The following ESPN variants were observed in gnomAD, a reference collection of about 807,000 sequenced individuals.
ESPN encodes the protein espin.
A neutral mutation model predicts 77.7 loss-of-function variants in ESPN; 68 were observed. The observed-to-expected ratio is 0.87, with a 90% CI of 0.72 to 1.07. The LOEUF (loss-of-function observed/expected upper bound fraction) is 1.07, where lower values mean the gene tolerates loss of function less well. Ranked by LOEUF, ESPN falls within the 50% of genes least tolerant of loss-of-function variation. The pLI, the probability that ESPN is intolerant of heterozygous loss-of-function variation, is 0.00. For missense variants in ESPN, 1,060 were observed against 1,239.0 expected, an observed-to-expected ratio of 0.86 and a Z score of 2.17; for synonymous variants, 449 against 567.1, an observed-to-expected ratio of 0.79 and a Z score of 2.96.
intron 3 of ESPN, 55 bp from the exon 4 acceptor site, chr1:6,440,571 C>G (rs1339778926): frequency 1.8e-5 from 19 of 1,027,120 alleles, no homozygotes; most frequent in Non-Finnish European, 2.6e-5. Flanking sequence ...GGGGGCGGGC[C>G]TACAGGGGCC....
rs149154644 is a variant in ESPN at position 6,455,178 on chromosome 1, C to A, written c.2326-2006C>A. The A allele has an allele frequency of 4.4e-3, 1,717 of 388,418 alleles. 25 individuals carry two copies. The highest frequency in any genetic ancestry group is 0.033 in the African/African-American group (1,569 of 48,214). 24.1% of individuals were successfully genotyped at this position (388,418 alleles called of 1,614,324 possible). On this transcript the variant is annotated intron_variant, in intron 10 of 12. Coordinates refer to ENST00000645284, the MANE Select transcript of ESPN (RefSeq NM_031475.3). The stretch of plus-strand genomic sequence containing the variant: ...CCTGGGCCCGCCCGAGGTACAGGAT[C>A]GCCAGGCGGCGCTGCCTGAGCCCGA...
chr1:6,433,220 G>A (rs1457934452), intron 2 of ESPN, among the ~76,000 whole-genome samples: 7 of 152,120 alleles, frequency 4.6e-5, no homozygotes, highest in South Asian at 2.1e-4. Context: ...TGAGGCGGGC[G>A]GATCACGAGG....
At chr1:6,440,603 C>CCCA in intron 3 of ESPN, 23 bp from the exon 4 acceptor site, 4 of 1,261,246 alleles carry the variant, frequency 3.2e-6, no homozygotes, top group Non-Finnish European at 4.4e-6. Flanking sequence ...CCCCGCCCCC[C>CCCA]TCTCCCCGCC....
At chr1:6,448,503 G>A (rs1643889277) in intron 7 of ESPN, 138 bp from the exon 8 acceptor site, 2 of 667,190 alleles carry the variant, frequency 3.0e-6, no homozygotes, top group African/African-American at 1.9e-5. Flanking sequence ...GAGAACCAGG[G>A]GGTCTAGGAA....
At chr1:6,459,895 A>C (rs1644126573) in intron 12 of ESPN, 104 bp from the exon 13 acceptor site, 2 of 1,456,428 alleles carry the variant, frequency 1.4e-6, no homozygotes, top group African/African-American at 1.4e-5. Flanking sequence ...CACCCCTTGC[A>C]TGGGTGACCT....
Position 6,428,433 on chromosome 1 carries a change from T to G in ESPN, c.488+14T>G. On this transcript the variant is annotated intron_variant, in intron 2 of 12. Coordinates refer to ENST00000645284, the MANE Select transcript of ESPN (RefSeq NM_031475.3). The surrounding 1 kb of genome is among the most constrained non-coding windows in gnomAD (Gnocchi z 5.4). ...GCACTACCCTGAGTAAGATCACCCC[T>G]CTTAAGGGGTCCTCTGGGTGGGCTG... 6.3e-7 allele frequency: 1 copy of G among 1,596,100 alleles called. No individual in the cohort carries two copies.
intron 8 of ESPN, among the ~76,000 whole-genome samples, chr1:6,449,479 C>G (rs377456451): frequency 3.3e-5 from 5 of 152,192 alleles, no homozygotes; most frequent in East Asian, 3.9e-4. Context: ...ACTGGAGGGA[C>G]ACTCGAAGTA....
At chr1:6,432,129 C>T (rs1247397846) in intron 2 of ESPN, among the ~76,000 whole-genome samples, 1 of 152,182 alleles carries the variant, frequency 6.6e-6, no homozygotes, top group Non-Finnish European at 1.5e-5. Context: ...TGGCTGCTCC[C>T]ACGGCCCAGG....
At chr1:6,425,352 C>G (rs895928986) in intron 1 of ESPN, 103 bp downstream of exon 1, 1 of 1,381,912 alleles carries the variant, frequency 7.2e-7, no homozygotes, top group Non-Finnish European at 9.9e-7. Context: ...TTTGGCACCT[C>G]CTGGCCCAGC....
rs1448276968 is a variant in ESPN, at chr1:6,440,736, C to G, written c.786C>G (p.His262Gln). 6.5e-7 allele frequency: 1 copy of G among 1,545,460 alleles called. No individual in the cohort carries two copies. The highest frequency in any genetic ancestry group is 1.2e-5 in the South Asian group (1 of 83,748). Residue 262 changes from histidine to glutamine, a missense_variant, in exon 4 of 13, where the codon CAC (histidine) becomes CAG (glutamine). Around this residue, in one of 3 missense-constraint regions of ESPN, gnomAD observed 556 missense variants for 633.6 expected, o/e 0.88. Transcript: ENST00000645284. ...AGGTGCTCAGCTGGCTGCTGCTGCA[C>G]GGCGGGGAGATCTCGGCTGACCTGT... ...HTKVLSWLLL[H>Q]GGEISADLWG...
At chr1:6,457,465 C>T in intron 12 of ESPN, 93 bp downstream of exon 12, 5 of 1,488,334 alleles carry the variant, frequency 3.4e-6, no homozygotes, top group South Asian at 1.1e-5. Flanking sequence ...AGTACATCCT[C>T]CTGTCTCTTG....
At chr1:6,457,654 T>G (rs532610693) in intron 12 of ESPN, among the ~76,000 whole-genome samples, 14 of 152,304 alleles carry the variant, frequency 9.2e-5, no homozygotes, top group African/African-American at 3.4e-4. Context: ...GAATGTACTT[T>G]CTGCCCCTAG....
chr1:6,448,147 G>C (rs1002773007), intron 7 of ESPN: 1 of 152,638 alleles, frequency 6.6e-6, no homozygotes, highest in East Asian at 1.9e-4. Flanking sequence ...GGGCAACCGG[G>C]GTCCGTGGCA....
rs964125695 is a variant in ESPN, at chr1:6,447,779, C to T, written c.1465-862C>T. Among the ~76,000 whole-genome samples, 3 of 152,116 alleles carry T rather than the reference C, an allele frequency of 2.0e-5. No homozygotes were observed. Among genetic ancestry groups the T allele is most frequent in the Admixed American group, 1.3e-4 (2 of 15,278 alleles). On this transcript the variant is annotated intron_variant, in intron 7 of 12. Transcript: ENST00000645284. This position sits in a 1 kb window ranked among gnomAD's most constrained non-coding sequence, Gnocchi z 5.2. Reference sequence around the variant, plus strand: ...GGCCAAATATGAGAGGCCTCCTCTGCCCACAGTCAGCCCTCTCCCCTCTCG... The same window carrying T: ...GGCCAAATATGAGAGGCCTCCTCTGTCCACAGTCAGCCCTCTCCCCTCTCG...
rs929495873 is a variant in ESPN, at chr1:6,441,387, C to T, written c.990+322C>T. Among the ~76,000 whole-genome samples, 5 of 152,276 alleles carry T rather than the reference C, an allele frequency of 3.3e-5. 1 individual carries two copies. The South Asian group carries it at 1.0e-3, about 32-fold the overall frequency. On this transcript the variant is annotated intron_variant, in intron 5 of 12. Transcript: ENST00000645284. The stretch of plus-strand genomic sequence containing the variant: ...TAGCTTGGGTATAACTCACAGCCAC[C>T]CTCTGCAGAAAAGAGTGTTTAAGTG...
intron 10 of ESPN, chr1:6,456,025 C>T (rs1468368708): frequency 5.0e-6 from 2 of 397,114 alleles, no homozygotes; most frequent in Admixed American, 4.4e-5. Context: ...CCGCCGCCCC[C>T]GCCCGCCGCG....
In ESPN at chr1:6,428,330, G is replaced by T. The variant is rs374134792; in HGVS notation, c.399G>T (p.Ala133=). The part of the protein sequence containing the change: ...LLHHGGGDPT[A]ATDMGALPIH... ...ATCATGGCGGTGGGGACCCCACCGC[G>T]GCCACAGACATGGGCGCCCTGCCTA... The change falls in exon 2 of 13, where the codon GCG becomes GCT. Residue 133 remains alanine (A), a synonymous_variant. Transcript: ENST00000645284. The surrounding 1 kb of genome is among the most constrained non-coding windows in gnomAD (Gnocchi z 5.4). The T allele has an allele frequency of 6.2e-7, 1 of 1,612,972 alleles. No homozygotes were observed. The highest frequency in any genetic ancestry group is 1.7e-5 in the Admixed American group (1 of 60,026).
At chr1:6,449,310 GTCCCTT>G (rs2148534538) in intron 8 of ESPN, among the ~76,000 whole-genome samples, 1 of 152,344 alleles carries the variant, frequency 6.6e-6, no homozygotes, top group East Asian at 1.9e-4. Context: ...CCTGGGGCAA[GTCCCTT>G]CCCCAATCTG....
downstream of ESPN, chr1:6,461,010 G>A: frequency 2.5e-6 from 1 of 392,854 alleles, no homozygotes; most frequent in Non-Finnish European, 5.2e-6. The surrounding 1 kb of genome is among the most constrained non-coding windows in gnomAD (Gnocchi z 6.3). Flanking sequence ...CTCGGGAGGG[G>A]CAGGCTTGGG....
Sources: gnomAD v4.1 joint callset for allele counts (sites outside exome capture counted in the v4.1 genomes callset) on GRCh38, gnomAD v4.1.1 for gene constraint, gnomAD v4.1.1 regional missense constraint, Gnocchi (gnomAD v3.1) non-coding constraint, MANE v1.5 for transcripts, NCBI Gene and HGNC (gene_info 2026-07-23, HGNC 2026-07-21) for gene names.